The following LARGE1 variants were observed in gnomAD, a reference collection of about 807,000 sequenced individuals.
LARGE1 encodes the protein LARGE xylosyl- and glucuronyltransferase 1.
Under a neutral mutation model 87.6 loss-of-function variants are expected in LARGE1, and 43 were observed. The observed-to-expected ratio is 0.49, with a 90% CI of 0.38 to 0.63. The LOEUF (loss-of-function observed/expected upper bound fraction) is 0.63, where lower values mean the gene tolerates loss of function less well. Among genes scored for constraint, LARGE1 ranks in the 30% least tolerant of loss-of-function variants. The pLI is 0.00. For missense variants in LARGE1, 802 were observed against 1,000.2 expected, an observed-to-expected ratio of 0.80 and a Z score of 2.67; for synonymous variants, 434 against 394.6, an observed-to-expected ratio of 1.10 and a Z score of -1.18.
Position 33,761,532 on chromosome 22 carries a change from A to G in LARGE1, c.-56T>C. 1 of 1,383,906 alleles carries G rather than the reference A, an allele frequency of 7.2e-7. No individual in the cohort carries two copies. 85.7% of individuals were successfully genotyped at this position (1,383,906 alleles called of 1,614,324 possible). A position where few individuals can be genotyped will look rare whatever the true frequency, so the allele number is the denominator to read the frequency against. ...CGCCGTTTCTCTGTCCGGAGCATGA[A>G]GTCCTCGGCCTCCCTCATAATACTC... is the stretch of plus-strand genomic sequence containing the variant. On this transcript the variant is annotated 5_prime_UTR_variant, in exon 2 of 15. Coordinates refer to ENST00000397394, the MANE Select transcript of LARGE1 (RefSeq NM_133642.5).
At chr22:33,860,297 T>G (rs1293643174) in intron 1 of LARGE1, among the ~76,000 whole-genome samples, 1 of 152,182 alleles carries the variant, frequency 6.6e-6, no homozygotes, top group East Asian at 1.9e-4. Flanking sequence ...TGGCCTTTTT[T>G]GAATTTTTTT....
At chr22:33,228,352 A>G (rs993161701) in intron 11 of LARGE1, among the ~76,000 whole-genome samples, 1 of 152,284 alleles carries the variant, frequency 6.6e-6, no homozygotes, top group Non-Finnish European at 1.5e-5. Flanking sequence ...ACTGACTGCT[A>G]CATTGTTAGG....
intron 6 of LARGE1, among the ~76,000 whole-genome samples, chr22:33,526,633 G>A (rs2071909367): frequency 3.3e-5 from 5 of 152,238 alleles, no homozygotes; most frequent in Admixed American, 3.3e-4. Flanking sequence ...ACAGGCGCTG[G>A]GAAGAGTTCA....
At chr22:33,601,590 A>G (rs183932189) in intron 5 of LARGE1, among the ~76,000 whole-genome samples, 109 of 152,274 alleles carry the variant, frequency 7.2e-4, no homozygotes, top group African/African-American at 2.4e-3. Context: ...TGAAAAAATT[A>G]CGTTTTATAA....
intron 2 of LARGE1, among the ~76,000 whole-genome samples, chr22:33,715,816 G>A (rs1603228986): frequency 6.6e-6 from 1 of 152,336 alleles, no homozygotes; most frequent in African/African-American, 2.4e-5. Flanking sequence ...CACGCTCACA[G>A]GATCACAGAC....
intron 1 of LARGE1, among the ~76,000 whole-genome samples, chr22:33,848,637 T>G (rs952126820): frequency 2.0e-5 from 3 of 152,156 alleles, no homozygotes; most frequent in African/African-American, 7.2e-5. Flanking sequence ...TGCCAGACAC[T>G]GGGCCCAAAA....
chr22:33,564,881 C>CA lies in LARGE1; in HGVS notation c.753dup (p.Ala252CysfsTer24). On this transcript the variant is annotated frameshift_variant, in exon 6 of 15. Coordinates refer to ENST00000397394, the MANE Select transcript of LARGE1 (RefSeq NM_133642.5). LOFTEE classifies it high-confidence loss of function. ...TTGTGGAACACAGCCCACAGCTCTG[C>CA]AATGTCAGTGGCAAAGGTGATATCC... 1 of 1,614,182 alleles carries CA rather than the reference C, an allele frequency of 6.2e-7. No homozygotes were observed. The highest frequency in any genetic ancestry group is 8.5e-7 in the Non-Finnish European group (1 of 1,180,036).
At chr22:33,903,157 A>T (rs2065333050) in intron 1 of LARGE1, among the ~76,000 whole-genome samples, 1 of 152,208 alleles carries the variant, frequency 6.6e-6, no homozygotes, top group South Asian at 2.1e-4. Context: ...TAATTAAGTT[A>T]AAATGAGGTC....
intron 11 of LARGE1, among the ~76,000 whole-genome samples, chr22:33,253,324 C>G (rs1927097253): frequency 6.6e-6 from 1 of 152,202 alleles, no homozygotes; most frequent in East Asian, 1.9e-4. Flanking sequence ...TCCCCCAGGC[C>G]CTAAACTAAT....
chr22:33,333,916 C>T (rs984603960), intron 10 of LARGE1, among the ~76,000 whole-genome samples: 11 of 147,716 alleles, frequency 7.4e-5, no homozygotes, highest in East Asian at 4.1e-4. Context: ...GTCAGGAGTT[C>T]GAGACCAGCC....
intron 9 of LARGE1, among the ~76,000 whole-genome samples, chr22:33,352,813 T>A (rs985165173): frequency 9.2e-5 from 14 of 152,168 alleles, no homozygotes; most frequent in African/African-American, 3.4e-4. Flanking sequence ...TGAAACCGAA[T>A]GACAGATATA....
rs538259390 is a variant in LARGE1 at position 33,315,245 on chromosome 22, C to A, written c.1451+840G>T. ...GGGCTCTATCCTACAAAGGTCCTCA[C>A]TTAACTGCTCTGCAAGGGAGCCTGG... On this transcript the variant is annotated intron_variant, in intron 11 of 14. Coordinates refer to ENST00000397394, the MANE Select transcript of LARGE1 (RefSeq NM_133642.5). 2.0e-5 allele frequency among the ~76,000 whole-genome samples: 3 copies of A among 152,308 alleles called. No individual in the cohort carries two copies. The East Asian group carries it at 5.8e-4, about 29-fold the overall frequency.
chr22:33,784,904 ATT>A (rs1569445464), intron 1 of LARGE1, among the ~76,000 whole-genome samples: 1 of 122,082 alleles, frequency 8.2e-6, no homozygotes, highest in Non-Finnish European at 1.8e-5. Flanking sequence ...TATACTGTAT[ATT>A]ATATGTGTGT....
chr22:33,564,502 G>C (rs1009679241), intron 6 of LARGE1, among the ~76,000 whole-genome samples: 1 of 152,102 alleles, frequency 6.6e-6, no homozygotes, highest in African/African-American at 2.4e-5. Flanking sequence ...TACCTCACAG[G>C]CTTTCTTGGC....
intron 10 of LARGE1, among the ~76,000 whole-genome samples, chr22:33,329,049 C>T (rs1347561681): frequency 6.6e-6 from 1 of 152,148 alleles, no homozygotes; most frequent in African/African-American, 2.4e-5. Context: ...TAGAACAGCA[C>T]AAAGAGCTGT....
At chr22:33,412,943 G>A (rs1207540185) in intron 7 of LARGE1, among the ~76,000 whole-genome samples, 1 of 152,202 alleles carries the variant, frequency 6.6e-6, no homozygotes, top group East Asian at 1.9e-4. Flanking sequence ...TTACAGGCGT[G>A]AGCCACCGTG....
intron 6 of LARGE1, among the ~76,000 whole-genome samples, chr22:33,540,223 C>T (rs1429253638): frequency 2.0e-5 from 3 of 152,208 alleles, no homozygotes; most frequent in Non-Finnish European, 4.4e-5. Context: ...ATTTCTCCTC[C>T]TTCGACAAAA....
chr22:33,660,108 T>G (rs1049950090), intron 2 of LARGE1, among the ~76,000 whole-genome samples: 7 of 114,674 alleles, frequency 6.1e-5, no homozygotes, highest in East Asian at 5.1e-4. Context: ...TTTTTTTTTT[T>G]GCCAAATATG....
At chr22:33,570,793 TGGG>T (rs2078175684) in intron 5 of LARGE1, among the ~76,000 whole-genome samples, 1 of 152,016 alleles carries the variant, frequency 6.6e-6, no homozygotes. Context: ...TGCAACCTTT[TGGG>T]GCAGTCTCTC....
Sources: gnomAD v4.1 joint callset for allele counts (sites outside exome capture counted in the v4.1 genomes callset) on GRCh38, gnomAD v4.1.1 for gene constraint, MANE v1.5 for transcripts, NCBI Gene and HGNC (gene_info 2026-07-23, HGNC 2026-07-21) for gene names.